The following MAEA variants were observed in gnomAD, a reference collection of about 807,000 sequenced individuals.
MAEA encodes macrophage erythroblast attacher, E3 ubiquitin ligase.
MAEA carries 22 observed loss-of-function variants against 46.2 expected under a neutral mutation model. The ratio of observed to expected loss-of-function variants is 0.48; its 90% confidence interval spans 0.34 to 0.68. The LOEUF (loss-of-function observed/expected upper bound fraction) is 0.68, where lower values mean the gene tolerates loss of function less well. MAEA is among the 30% of genes least tolerant of loss of function. MAEA has a pLI of 0.01. For synonymous variants in MAEA, 246 were observed against 222.6 expected, an observed-to-expected ratio of 1.11 and a Z score of -0.94; for missense variants, 393 against 558.1, an observed-to-expected ratio of 0.70 and a Z score of 2.98.
At chr4:1,322,555 C>T in intron 4 of MAEA, 52 bp downstream of exon 4, 1 of 1,602,282 alleles carries the variant, frequency 6.2e-7, no homozygotes. Flanking sequence ...GAGGCTGCGC[C>T]ACCTGCCCTG....
chr4:1,315,633 C>T, intron 3 of MAEA, 33 bp downstream of exon 3: 2 of 1,608,060 alleles, frequency 1.2e-6, no homozygotes, highest in Non-Finnish European at 1.7e-6. Context: ...CACAGCGCCC[C>T]AGCTGGCCCC....
In MAEA at chr4:1,315,671, T is replaced by A. The variant is rs1466904411; in HGVS notation, c.456+71T>A. 2.7e-6 allele frequency: 4 copies of A among 1,492,214 alleles called. No individual in the cohort carries two copies. The African/African-American group carries it at 5.5e-5, about 21-fold the overall frequency. 92.4% of individuals were successfully genotyped at this position (1,492,214 alleles called of 1,614,324 possible). On this transcript the variant is annotated intron_variant, in intron 3 of 8. Transcript: ENST00000303400. ...GCCTATGGCCAGCCGCCCTGTGGCA[T>A]GTCCCCCGGCATGCCTGTGTCCCTA...
intron 3 of MAEA, among the ~76,000 whole-genome samples, chr4:1,316,732 A>AC (rs1188565175): frequency 3.3e-5 from 5 of 151,836 alleles, no homozygotes; most frequent in Non-Finnish European, 5.9e-5. Flanking sequence ...GCTGAATTCA[A>AC]CCCCAGCACA....
At chr4:1,325,102 C>T (rs973574566) in intron 4 of MAEA, among the ~76,000 whole-genome samples, 2 of 152,198 alleles carry the variant, frequency 1.3e-5, no homozygotes, top group South Asian at 2.1e-4. Flanking sequence ...AGTCTGCTCA[C>T]ATGTGCACGC....
At chr4:1,297,474 T>TAC (rs1434300445) in intron 1 of MAEA, among the ~76,000 whole-genome samples, 1 of 152,202 alleles carries the variant, frequency 6.6e-6, no homozygotes, top group African/African-American at 2.4e-5. Context: ...TGTGTGTGTA[T>TAC]ACATACATAT....
intron 8 of MAEA, 160 bp from the exon 9 acceptor site, chr4:1,338,914 G>A (rs1560398936): frequency 1.0e-5 from 7 of 691,586 alleles, no homozygotes; most frequent in East Asian, 5.4e-5. Context: ...AAGGACAGGC[G>A]AGGTGGCCCC....
At chr4:1,323,681 A>G in intron 4 of MAEA, 1 of 694,644 alleles carries the variant, frequency 1.4e-6, no homozygotes, top group Non-Finnish European at 2.6e-6. Flanking sequence ...CACACCTCAC[A>G]GTGGGAACTC....
intron 6 of MAEA, chr4:1,335,130 T>A: frequency 1.0e-6 from 1 of 985,464 alleles, no homozygotes; most frequent in African/African-American, 1.7e-5. Context: ...AGTCTAAACC[T>A]GAGGTTATTT....
At chr4:1,312,729 G>A (rs1736673802) in intron 2 of MAEA, 1 of 153,382 alleles carries the variant, frequency 6.5e-6, no homozygotes, top group South Asian at 2.0e-4. Flanking sequence ...CACGCGGCCT[G>A]ATCGATTATT....
intron 5 of MAEA, chr4:1,329,958 G>A: frequency 1.0e-6 from 1 of 985,458 alleles, no homozygotes; most frequent in Non-Finnish European, 1.2e-6. Context: ...CATCTACAGG[G>A]CTTGAGGCCA....
At chr4:1,319,816 A>G (rs1463814021) in intron 3 of MAEA, among the ~76,000 whole-genome samples, 1 of 152,170 alleles carries the variant, frequency 6.6e-6, no homozygotes, top group Non-Finnish European at 1.5e-5. Flanking sequence ...CCTGCCCTGA[A>G]GGGGCTTCAG....
intron 7 of MAEA, 127 bp from the exon 8 acceptor site, chr4:1,338,295 C>T: frequency 1.4e-6 from 1 of 696,276 alleles, no homozygotes; most frequent in Non-Finnish European, 2.4e-6. Context: ...AAAGACAGCC[C>T]CGTGTAGTCA....
intron 1 of MAEA, among the ~76,000 whole-genome samples, chr4:1,303,591 C>G (rs1316780530): frequency 6.6e-6 from 1 of 152,036 alleles, no homozygotes; most frequent in Non-Finnish European, 1.5e-5. Flanking sequence ...ATACAAAAGT[C>G]CACATCACGT....
intron 3 of MAEA, among the ~76,000 whole-genome samples, chr4:1,321,309 T>C (rs1453080960): frequency 2.7e-5 from 4 of 147,838 alleles, no homozygotes; most frequent in Non-Finnish European, 4.5e-5. Context: ...AAAAAAGATA[T>C]CATCAAAGCA....
rs902787109 is a variant in MAEA, at chr4:1,313,523, T to G, written c.252+1362T>G. Among the ~76,000 whole-genome samples, 23 of 152,122 alleles carry G rather than the reference T, an allele frequency of 1.5e-4. 1 individual carries two copies. In the East Asian group the frequency reaches 4.5e-3, roughly 29 times the overall value. On this transcript the variant is annotated intron_variant, in intron 2 of 8. Transcript: ENST00000303400. The stretch of plus-strand genomic sequence containing the variant: ...GCAGAATCACTTGAGCGCAGGAGTT[T>G]GAGACCAGCCTGGGCAGCACAGGGA...
At chr4:1,303,232 C>CAAAAAAAAAAAAAAAAAAA in intron 1 of MAEA, among the ~76,000 whole-genome samples, 1 of 65,674 alleles carries the variant, frequency 1.5e-5, no homozygotes, top group Non-Finnish European at 3.0e-5. Context: ...ACTAAAAATA[C>CAAAAAAAAAAAAAAAAAAA]AAAAAAAAAA....
intron 2 of MAEA, chr4:1,312,450 G>A: frequency 3.4e-6 from 1 of 289,860 alleles, no homozygotes; most frequent in Non-Finnish European, 5.5e-6. Context: ...TTTTTTTTGA[G>A]ACAGAGTCCC....
intron 3 of MAEA, among the ~76,000 whole-genome samples, chr4:1,321,178 C>T (rs898585932): frequency 4.6e-5 from 7 of 151,540 alleles, no homozygotes; most frequent in East Asian, 3.9e-4. Context: ...TGCAAGAAAA[C>T]GCTATGAAGG....
At chr4:1,310,844 A>G (rs7695691) in intron 1 of MAEA, among the ~76,000 whole-genome samples, 86,689 of 152,080 alleles carry the variant, frequency 0.57, 25,114 homozygotes, top group East Asian at 0.71. Context: ...AAGTGAGTCT[A>G]GGGAAGAGCC....
Sources: allele counts gnomAD v4.1 joint callset (sites outside exome capture counted in the v4.1 genomes callset), GRCh38; gene constraint gnomAD v4.1.1; transcripts MANE v1.5; gene names NCBI Gene and HGNC (gene_info 2026-07-23, HGNC 2026-07-21).